Variants in FARS2 observed in about 807,000 individuals in gnomAD.
The protein encoded by FARS2 is phenylalanine--tRNA ligase, mitochondrial.
A neutral mutation model predicts 46.4 loss-of-function variants in FARS2; 40 were observed. The observed-to-expected ratio is 0.86, with a 90% CI of 0.67 to 1.12. The LOEUF is 1.12. Ranked by LOEUF, FARS2 falls within the 50% of genes most tolerant of loss-of-function variation. The pLI, the probability that FARS2 is intolerant of heterozygous loss-of-function variation, is 0.00. For synonymous variants in FARS2, 234 were observed against 214.9 expected (o/e 1.09, Z -0.78); for missense variants, 513 against 567.9 (o/e 0.90, Z 0.98).
At chr6:5,482,474 G>A (rs1326203792) in intron 4 of FARS2, among the ~76,000 whole-genome samples, 6 of 152,176 alleles carry the variant, frequency 3.9e-5, no homozygotes, top group Non-Finnish European at 7.3e-5. Context: ...GCATAAACAT[G>A]GAGAGAGACT....
chr6:5,376,427 T>C (rs1759386449), intron 2 of FARS2, among the ~76,000 whole-genome samples: 2 of 152,204 alleles, frequency 1.3e-5, no homozygotes, highest in African/African-American at 4.8e-5. Context: ...TAGCCTTCTA[T>C]TGGGAGTGTA....
chr6:5,757,453 CA>C (rs201858492), intron 6 of FARS2, among the ~76,000 whole-genome samples: 4 of 150,740 alleles, frequency 2.7e-5, no homozygotes, highest in South Asian at 2.1e-4. Flanking sequence ...GCCAGACCTC[CA>C]AAAAAAAACT....
At chr6:5,391,994 C>A (rs1260659993) in intron 2 of FARS2, among the ~76,000 whole-genome samples, 3 of 152,160 alleles carry the variant, frequency 2.0e-5, no homozygotes, top group East Asian at 3.8e-4. Flanking sequence ...GAAATAGAAG[C>A]AGTCCTAGTG....
intron 5 of FARS2, among the ~76,000 whole-genome samples, chr6:5,606,768 A>G (rs2150653038): frequency 6.6e-6 from 1 of 152,288 alleles, no homozygotes; most frequent in South Asian, 2.1e-4. Flanking sequence ...TGGATGCTGT[A>G]CACACACTGG....
chr6:5,618,009 T>C (rs1775562945), intron 6 of FARS2, among the ~76,000 whole-genome samples: 1 of 152,224 alleles, frequency 6.6e-6, no homozygotes, highest in Admixed American at 6.5e-5. Flanking sequence ...GTGAATATTT[T>C]TGACGTTGTG....
rs1163447265 is a variant in FARS2 at position 5,392,733 on chromosome 6, T to TACAC, written c.613-11808_613-11807insCACA. ...AAACACTTGCTCTAAAATATATATA[T>TACAC]ATACACACACACACACACACACACA... On this transcript the variant is annotated intron_variant, in intron 2 of 6. Coordinates refer to ENST00000274680, the MANE Select transcript of FARS2 (RefSeq NM_006567.5). Among the ~76,000 whole-genome samples, 68 of 85,118 alleles carry TACAC rather than the reference T, an allele frequency of 8.0e-4. 1 individual carries two copies. Among genetic ancestry groups the TACAC allele is most frequent in the Non-Finnish European group, 1.2e-3 (55 of 44,994 alleles). The allele number at this position is 85,118 out of a possible 152,430, so 55.8% of individuals were successfully genotyped here.
At chr6:5,531,279 C>CT (rs1164401372) in intron 4 of FARS2, among the ~76,000 whole-genome samples, 2 of 152,168 alleles carry the variant, frequency 1.3e-5, no homozygotes, top group East Asian at 3.9e-4. Context: ...ACTGTCCAAA[C>CT]TGCAGAGAAA....
At chr6:5,542,801 A>G (rs1770714352) in intron 4 of FARS2, among the ~76,000 whole-genome samples, 1 of 152,176 alleles carries the variant, frequency 6.6e-6, no homozygotes, top group African/African-American at 2.4e-5. Flanking sequence ...TCATTTAAAT[A>G]TATTTTCTGA....
chr6:5,569,128 G>C (rs1772484358), intron 5 of FARS2, among the ~76,000 whole-genome samples: 1 of 152,086 alleles, frequency 6.6e-6, no homozygotes, highest in East Asian at 1.9e-4. Context: ...GAAAGAAAAT[G>C]GTTCCTAGGT....
chr6:5,700,146 A>T (rs1274386811), intron 6 of FARS2, among the ~76,000 whole-genome samples: 1 of 152,228 alleles, frequency 6.6e-6, no homozygotes, highest in Non-Finnish European at 1.5e-5. Context: ...TTCATTGAAA[A>T]TGCCACGGCT....
rs566153967 is a variant in FARS2 at position 5,417,406 on chromosome 6, G to A, written c.772+12705G>A. On this transcript the variant is annotated intron_variant, in intron 3 of 6. Coordinates refer to ENST00000274680, the MANE Select transcript of FARS2 (RefSeq NM_006567.5). The stretch of plus-strand genomic sequence containing the variant: ...TAACTTTTAAAATAAAAAAAAAATT[G>A]TAGAGAGATGGGGTGTCACCATGTT... Among the ~76,000 whole-genome samples the A allele has an allele frequency of 2.7e-4, 41 of 152,036 alleles. 2 individuals carry two copies. Among genetic ancestry groups the A allele is most frequent in the Admixed American group, 2.2e-3 (34 of 15,268 alleles).
rs73718087 is a variant in FARS2, at chr6:5,380,739, C to A, written c.612+11557C>A. 6.5e-3 allele frequency among the ~76,000 whole-genome samples: 985 copies of A among 152,324 alleles called. 12 individuals are homozygous for A. Among genetic ancestry groups the A allele is most frequent in the African/African-American group, 0.022 (935 of 41,568 alleles). Reference sequence around the variant, plus strand: ...GTACTGGGTACTTTCATTGTCTTCGCTCCGAGGCTTCGTCCTAAAATCTGC... The same window carrying A: ...GTACTGGGTACTTTCATTGTCTTCGATCCGAGGCTTCGTCCTAAAATCTGC... On this transcript the variant is annotated intron_variant, in intron 2 of 6. Coordinates refer to ENST00000274680, the MANE Select transcript of FARS2 (RefSeq NM_006567.5).
intron 2 of FARS2, among the ~76,000 whole-genome samples, chr6:5,382,730 T>A (rs1028582951): frequency 2.6e-5 from 4 of 152,166 alleles, no homozygotes; most frequent in Non-Finnish European, 5.9e-5. Flanking sequence ...CTGTTTATAT[T>A]AGTCAGGGTT....
intron 6 of FARS2, among the ~76,000 whole-genome samples, chr6:5,638,286 C>A (rs373413841): frequency 1.3e-5 from 2 of 152,194 alleles, no homozygotes; most frequent in Non-Finnish European, 2.9e-5. Flanking sequence ...CATCCCGGGC[C>A]GGGCGCAGTG....
chr6:5,426,363 T>A (rs114426555), intron 3 of FARS2, among the ~76,000 whole-genome samples: 2,584 of 152,312 alleles, frequency 0.017, 62 homozygotes, highest in African/African-American at 0.059. Flanking sequence ...TTAGTAAATA[T>A]TCTGACTTCT....
intron 4 of FARS2, among the ~76,000 whole-genome samples, chr6:5,474,302 C>T (rs974389075): frequency 2.3e-4 from 35 of 152,184 alleles, no homozygotes; most frequent in East Asian, 1.9e-4. Flanking sequence ...GGCAGTGTAC[C>T]GGGTACTTGA....
Position 5,684,967 on chromosome 6 carries a change from G to A in FARS2, c.1217+71647G>A, listed in dbSNP as rs981436501. On this transcript the variant is annotated intron_variant, in intron 6 of 6. Transcript: ENST00000274680. The stretch of plus-strand genomic sequence containing the variant: ...CAAGGAAAAAAGATTAAGTGGAGCC[G>A]GAGAGCAATTTTCTTTATAATTTCT... 5.9e-5 allele frequency among the ~76,000 whole-genome samples: 9 copies of A among 152,064 alleles called. 1 individual carries two copies. The highest frequency in any genetic ancestry group is 1.9e-4 in the East Asian group (1 of 5,190).
chr6:5,691,602 G>T (rs1757722550), intron 6 of FARS2, among the ~76,000 whole-genome samples: 1 of 152,202 alleles, frequency 6.6e-6, no homozygotes, highest in Non-Finnish European at 1.5e-5. Context: ...TGCCCCTACT[G>T]GGGGATGCCT....
chr6:5,623,442 G>C (rs563735721), intron 6 of FARS2, among the ~76,000 whole-genome samples: 1 of 152,144 alleles, frequency 6.6e-6, no homozygotes, highest in African/African-American at 2.4e-5. Flanking sequence ...GGCCGGGCAC[G>C]GTGGCTCATG....
Sources: gnomAD v4.1 joint callset for allele counts (sites outside exome capture counted in the v4.1 genomes callset) on GRCh38, gnomAD v4.1.1 for gene constraint, MANE v1.5 for transcripts, NCBI Gene and HGNC (gene_info 2026-07-23, HGNC 2026-07-21) for gene names.